The following TGFBR3 variants were observed in gnomAD, a reference collection of about 807,000 sequenced individuals.
TGFBR3 encodes the protein transforming growth factor beta receptor 3.
TGFBR3 carries 46 observed loss-of-function variants against 87.9 expected under a neutral mutation model. That is an observed-to-expected ratio of 0.52 (90% CI 0.41 to 0.67). TGFBR3 has a LOEUF of 0.67. Among genes scored for constraint, TGFBR3 ranks in the 30% least tolerant of loss-of-function variants. The pLI is 0.00. For synonymous variants in TGFBR3, 381 were observed against 391.6 expected, an observed-to-expected ratio of 0.97 and a Z score of 0.32; for missense variants, 866 against 1,041.9, an observed-to-expected ratio of 0.83 and a Z score of 2.32.
At chr1:91,730,523 G>T (rs1040596347) in intron 5 of TGFBR3, among the ~76,000 whole-genome samples, 20 of 152,214 alleles carry the variant, frequency 1.3e-4, no homozygotes, top group African/African-American at 4.8e-4. Flanking sequence ...TTTCTGAGCA[G>T]TTGACTTATA....
chr1:91,878,969 T>C (rs1678967429), intron 1 of TGFBR3, among the ~76,000 whole-genome samples: 1 of 152,078 alleles, frequency 6.6e-6, no homozygotes, highest in Non-Finnish European at 1.5e-5. Context: ...TTGGCAACAG[T>C]TTAACATTAA....
At chr1:91,889,160 C>CA (rs1434753502), upstream of TGFBR3, among the ~76,000 whole-genome samples, 1 of 152,218 alleles carries the variant, frequency 6.6e-6, no homozygotes, top group East Asian at 1.9e-4. Context: ...GCTGAGATTA[C>CA]AGGCATGAGC....
At chr1:91,873,718 G>A (rs1308849677) in intron 1 of TGFBR3, among the ~76,000 whole-genome samples, 4 of 152,120 alleles carry the variant, frequency 2.6e-5, no homozygotes, top group Admixed American at 6.5e-5. Context: ...AGGCCAAGGC[G>A]GGTGGATCAC....
rs1202629080 is a variant in TGFBR3, at chr1:91,716,661, A to T, written c.1614T>A (p.Asp538Glu). ...PALGDSSGWP[D>E]GYEDLESGDN... ...CACCTGACTCCAGATCTTCATAACC[A>T]TCTGGCCAACCACTACTGTCCCCAA... The change falls in exon 11 of 17, where the codon GAT (aspartate) becomes GAA (glutamate). Residue 538 changes from aspartate to glutamate, a missense_variant. Coordinates refer to ENST00000212355, the MANE Select transcript of TGFBR3 (RefSeq NM_003243.5). 6.2e-7 allele frequency: 1 copy of T among 1,614,114 alleles called. No homozygotes were observed. Among genetic ancestry groups the T allele is most frequent in the Admixed American group, 1.7e-5 (1 of 60,006 alleles).
rs555162366 is a variant in TGFBR3, at chr1:91,778,754, A to T, written c.246+18533T>A. On this transcript the variant is annotated intron_variant, in intron 3 of 16. Transcript: ENST00000212355. ...TGGCAATACCAACTAAAGATAAAAC[A>T]TCTATACTGATGATATACTAGCAGA... 2.0e-5 allele frequency among the ~76,000 whole-genome samples: 3 copies of T among 152,352 alleles called. No individual in the cohort carries two copies. The South Asian group carries it at 6.2e-4, about 32-fold the overall frequency.
At chr1:91,790,499 T>G (rs561201802) in intron 3 of TGFBR3, among the ~76,000 whole-genome samples, 1 of 152,330 alleles carries the variant, frequency 6.6e-6, no homozygotes, top group Non-Finnish European at 1.5e-5. Context: ...GAAAACTAAA[T>G]GACCATTTCA....
intron 2 of TGFBR3, among the ~76,000 whole-genome samples, chr1:91,843,485 A>T (rs2101122262): frequency 6.6e-6 from 1 of 152,378 alleles, no homozygotes. Context: ...TATAAGACAT[A>T]CAATCTATGT....
At chr1:91,730,443 T>C (rs1332945536) in intron 5 of TGFBR3, among the ~76,000 whole-genome samples, 1 of 152,180 alleles carries the variant, frequency 6.6e-6, no homozygotes, top group Non-Finnish European at 1.5e-5. Context: ...ATCCCCTTTC[T>C]ATCTCATTCT....
intron 1 of TGFBR3, among the ~76,000 whole-genome samples, chr1:91,870,943 G>A (rs922819961): frequency 2.6e-5 from 4 of 152,124 alleles, no homozygotes; most frequent in Admixed American, 2.6e-4. Flanking sequence ...GGCTGAGGCA[G>A]GGGGATCACT....
intron 4 of TGFBR3, among the ~76,000 whole-genome samples, chr1:91,748,148 G>A (rs1160196353): frequency 1.3e-5 from 2 of 152,184 alleles, no homozygotes; most frequent in African/African-American, 2.4e-5. Context: ...CCTCTAGCCC[G>A]AAATAACTGT....
intron 4 of TGFBR3, among the ~76,000 whole-genome samples, chr1:91,755,484 A>G (rs1009695527): frequency 2.9e-4 from 44 of 152,224 alleles, no homozygotes; most frequent in African/African-American, 1.0e-3. Flanking sequence ...CTGCTGGACA[A>G]CAAAGCAGAG....
chr1:91,713,025 T>C (rs887841843), intron 12 of TGFBR3, among the ~76,000 whole-genome samples: 1 of 152,200 alleles, frequency 6.6e-6, no homozygotes, highest in African/African-American at 2.4e-5. Context: ...AGCTTCTAAA[T>C]TGCAAAAAGT....
chr1:91,776,518 C>T (rs186645837), intron 3 of TGFBR3, among the ~76,000 whole-genome samples: 29 of 152,270 alleles, frequency 1.9e-4, no homozygotes, highest in Admixed American at 4.6e-4. Context: ...CCTCTCTTAG[C>T]CTCAATTTCC....
rs1672004759 is a variant in TGFBR3, at chr1:91,712,223, A to G, written c.2166+20T>C. ...TAAAAATGCCAAAATAACCATCCGA[A>G]TGGATGAAGGCCCACAAACCTTAGG... On this transcript the variant is annotated intron_variant, in intron 13 of 16. Coordinates refer to ENST00000212355, the MANE Select transcript of TGFBR3 (RefSeq NM_003243.5). The G allele has an allele frequency of 6.2e-7, 1 of 1,612,368 alleles. No homozygotes were observed. Among genetic ancestry groups the G allele is most frequent in the Non-Finnish European group, 8.5e-7 (1 of 1,178,798 alleles).
intron 3 of TGFBR3, among the ~76,000 whole-genome samples, chr1:91,777,929 C>A (rs1394051305): frequency 6.6e-6 from 1 of 152,060 alleles, no homozygotes; most frequent in East Asian, 1.9e-4. Context: ...CTCCACTCAA[C>A]AAACTGAAAT....
At chr1:91,714,361 C>T (rs17887218) in intron 12 of TGFBR3, among the ~76,000 whole-genome samples, 5,942 of 152,112 alleles carry the variant, frequency 0.039, 168 homozygotes, top group Non-Finnish European at 0.063. Flanking sequence ...TGTAAATTCC[C>T]CAAGACAAAT....
chr1:91,739,637 G>A (rs1673083320), intron 4 of TGFBR3, among the ~76,000 whole-genome samples: 1 of 152,026 alleles, frequency 6.6e-6, no homozygotes, highest in Non-Finnish European at 1.5e-5. Flanking sequence ...AACTACCAAG[G>A]GACCTCACAG....
intron 3 of TGFBR3, among the ~76,000 whole-genome samples, chr1:91,769,250 A>G (rs765037207): frequency 7.9e-5 from 12 of 152,208 alleles, no homozygotes; most frequent in Non-Finnish European, 1.5e-4. Flanking sequence ...TCTACCCACT[A>G]AAACCACAGC....
chr1:91,735,642 G>A (rs1672942874), intron 4 of TGFBR3, among the ~76,000 whole-genome samples: 1 of 152,142 alleles, frequency 6.6e-6, no homozygotes, highest in Non-Finnish European at 1.5e-5. Flanking sequence ...AAACTTTCAG[G>A]ATGACGTATG....
Sources: gnomAD v4.1 joint callset for allele counts (sites outside exome capture counted in the v4.1 genomes callset) on GRCh38, gnomAD v4.1.1 for gene constraint, MANE v1.5 for transcripts, NCBI Gene and HGNC (gene_info 2026-07-23, HGNC 2026-07-21) for gene names.